Variants in TIAM1 observed in about 807,000 individuals in gnomAD.
TIAM1 encodes the protein TIAM Rac1 associated GEF 1.
TIAM1 carries 65 observed loss-of-function variants against 163.5 expected under a neutral mutation model. The ratio of observed to expected loss-of-function variants is 0.40; its 90% confidence interval spans 0.33 to 0.49. TIAM1 has a LOEUF of 0.49. TIAM1 is among the 20% of genes least tolerant of loss of function. The pLI is 0.77. For synonymous variants in TIAM1, 833 were observed against 810.1 expected, an observed-to-expected ratio of 1.03 and a Z score of -0.48; for missense variants, 1,789 against 2,044.7, an observed-to-expected ratio of 0.87 and a Z score of 2.41.
Position 31,327,841 on chromosome 21 carries a change from G to A in TIAM1, c.-189+11402C>T, listed in dbSNP as rs1236099022. On this transcript the variant is annotated intron_variant, in intron 2 of 27. Coordinates refer to ENST00000541036, the MANE Select transcript of TIAM1 (RefSeq NM_001353694.2). ...AACCATGGTCCACATGAAATGGTGC[G>A]TAGTCTCCTCCCAACGCAGCTGTCA... Among the ~76,000 whole-genome samples, 5 of 151,942 alleles carry A rather than the reference G, an allele frequency of 3.3e-5. No homozygotes were observed. The East Asian group carries it at 7.7e-4, about 23-fold the overall frequency.
At chr21:31,389,489 G>A (rs7275610) in intron 2 of TIAM1, among the ~76,000 whole-genome samples, 42,041 of 152,168 alleles carry the variant, frequency 0.28, 6,149 homozygotes, top group Middle Eastern at 0.48. Context: ...GATTACAGGC[G>A]AGAGCCACCG....
In TIAM1 at chr21:31,296,019, G is replaced by A. The variant is rs577814188; in HGVS notation, c.-188-19111C>T. On this transcript the variant is annotated intron_variant, in intron 2 of 27. Coordinates refer to ENST00000541036, the MANE Select transcript of TIAM1 (RefSeq NM_001353694.2). ...TCGCCATGTTGGGCAGACTGGTCTCGAACTCCTGACCTCAGGTGACCCGCC... is the reference window on the plus strand; with the variant it reads ...TCGCCATGTTGGGCAGACTGGTCTCAAACTCCTGACCTCAGGTGACCCGCC... Among the ~76,000 whole-genome samples the A allele has an allele frequency of 4.6e-5, 7 of 152,162 alleles. 1 individual carries two copies. Among genetic ancestry groups the A allele is most frequent in the Non-Finnish European group, 7.4e-5 (5 of 68,006 alleles).
chr21:31,307,698 T>A (rs1372654326), intron 2 of TIAM1, among the ~76,000 whole-genome samples: 1 of 152,014 alleles, frequency 6.6e-6, no homozygotes, highest in Non-Finnish European at 1.5e-5. Context: ...GGAGCTCAAG[T>A]CTAGCAAGGA....
At chr21:31,370,822 T>C (rs1182082393) in intron 2 of TIAM1, among the ~76,000 whole-genome samples, 1 of 152,094 alleles carries the variant, frequency 6.6e-6, no homozygotes, top group African/African-American at 2.4e-5. Flanking sequence ...CACATAAAAA[T>C]TAGGATTTCC....
At chr21:31,341,170 C>A (rs1233685727) in intron 1 of TIAM1, among the ~76,000 whole-genome samples, 1 of 151,988 alleles carries the variant, frequency 6.6e-6, no homozygotes, top group Non-Finnish European at 1.5e-5. Flanking sequence ...TTGTGCCAAA[C>A]AAAGGATAGA....
chr21:31,297,471 T>A (rs2074324896), intron 2 of TIAM1, among the ~76,000 whole-genome samples: 1 of 152,234 alleles, frequency 6.6e-6, no homozygotes, highest in African/African-American at 2.4e-5. Context: ...CTCGGCTCAC[T>A]GCAATCTCCG....
chr21:31,122,598 A>G (rs774234953), intron 27 of TIAM1, among the ~76,000 whole-genome samples: 1 of 152,232 alleles, frequency 6.6e-6, no homozygotes, highest in African/African-American at 2.4e-5. Context: ...CAGCTCTTCT[A>G]TAAGTTTAAA....
intron 2 of TIAM1, among the ~76,000 whole-genome samples, chr21:31,445,131 C>A (rs773622903): frequency 1.3e-5 from 2 of 150,364 alleles, no homozygotes; most frequent in Non-Finnish European, 2.9e-5. Context: ...TGTCTCCTAG[C>A]ATATGAGATA....
chr21:31,210,739 G>GGA (rs2086805677), intron 10 of TIAM1, among the ~76,000 whole-genome samples: 1 of 75,918 alleles, frequency 1.3e-5, no homozygotes, highest in African/African-American at 7.5e-5. Context: ...GAGAAAGAAG[G>GGA]AAGGAAGGGA....
Position 31,181,756 on chromosome 21 carries a change from C to CTTTTTTTTTTTTTT in TIAM1, c.2887+651_2887+664dup, listed in dbSNP as rs781153297. Among the ~76,000 whole-genome samples, 6 of 41,344 alleles carry CTTTTTTTTTTTTTT rather than the reference C, an allele frequency of 1.5e-4. 2 individuals carry two copies. Among genetic ancestry groups the CTTTTTTTTTTTTTT allele is most frequent in the Non-Finnish European group, 3.2e-4 (6 of 18,804 alleles). 27.1% of individuals were successfully genotyped at this position (41,344 alleles called of 152,430 possible). On this transcript the variant is annotated intron_variant, in intron 15 of 27. Coordinates refer to ENST00000541036, the MANE Select transcript of TIAM1 (RefSeq NM_001353694.2). ...CCCAGCACTTCTTCTTCTTCTTCTT[C>CTTTTTTTTTTTTTT]TTTTTTTTTTTTTTTTTTTTTTTTT... is the stretch of plus-strand genomic sequence containing the variant.
In TIAM1 at chr21:31,496,134, G is replaced by A. The variant is rs189797572; in HGVS notation, c.-421-32099C>T. Among the ~76,000 whole-genome samples, 921 of 152,162 alleles carry A rather than the reference G, an allele frequency of 6.1e-3. 16 individuals carry two copies. Among genetic ancestry groups the A allele is most frequent in the African/African-American group, 0.021 (892 of 41,496 alleles). On this transcript the variant is annotated intron_variant, in intron 1 of 28. Coordinates refer to the TIAM1 transcript ENST00000286827. ...TGGTTTTTAACTAAAAGTTTAAAAA[G>A]TTAAAAAAATAAAATAAAATGTTTA... is the stretch of plus-strand genomic sequence containing the variant.
At chr21:31,460,758 A>G (rs1311510796) in intron 2 of TIAM1, among the ~76,000 whole-genome samples, 1 of 152,228 alleles carries the variant, frequency 6.6e-6, no homozygotes, top group Non-Finnish European at 1.5e-5. Context: ...TTATGACACC[A>G]ATTATATCTG....
chr21:31,465,806 A>G (rs568827618), intron 1 of TIAM1, among the ~76,000 whole-genome samples: 13 of 152,036 alleles, frequency 8.6e-5, no homozygotes, highest in Middle Eastern at 6.8e-3. Flanking sequence ...TCCTGACCTC[A>G]TGATCCGCCC....
At chr21:31,132,829 G>GCATCCACT (rs1555855884) in intron 23 of TIAM1, among the ~76,000 whole-genome samples, 1 of 152,174 alleles carries the variant, frequency 6.6e-6, no homozygotes, top group Non-Finnish European at 1.5e-5. Flanking sequence ...CCAGCCTAAA[G>GCATCCACT]CATCCACTCT....
At chr21:31,306,013 G>A (rs1473544542) in intron 2 of TIAM1, among the ~76,000 whole-genome samples, 1 of 152,180 alleles carries the variant, frequency 6.6e-6, no homozygotes, top group Non-Finnish European at 1.5e-5. Context: ...CACACAACGA[G>A]ACAGAGGAGC....
intron 1 of TIAM1, among the ~76,000 whole-genome samples, chr21:31,547,992 C>T (rs1601062475): frequency 6.6e-6 from 1 of 152,128 alleles, no homozygotes; most frequent in South Asian, 2.1e-4. Context: ...GGAAGATACA[C>T]TTTCTTAATT....
chr21:31,498,619 G>A (rs182761134), intron 1 of TIAM1, among the ~76,000 whole-genome samples: 1 of 152,298 alleles, frequency 6.6e-6, no homozygotes, highest in Non-Finnish European at 1.5e-5. Flanking sequence ...AAAAGGGTGT[G>A]GGACTAGTGA....
At chr21:31,423,478 G>A (rs556982130) in intron 2 of TIAM1, among the ~76,000 whole-genome samples, 20 of 152,018 alleles carry the variant, frequency 1.3e-4, no homozygotes, top group African/African-American at 4.8e-4. Context: ...TACACATTCA[G>A]AGAATCCACA....
intron 2 of TIAM1, among the ~76,000 whole-genome samples, chr21:31,454,675 T>C (rs1363539752): frequency 3.3e-5 from 5 of 152,146 alleles, no homozygotes; most frequent in African/African-American, 1.2e-4. Context: ...AACATGCCAG[T>C]TGACCAAATA....
Sources: gnomAD v4.1 joint callset for allele counts (sites outside exome capture counted in the v4.1 genomes callset) on GRCh38, gnomAD v4.1.1 for gene constraint, MANE v1.5 for transcripts, NCBI Gene and HGNC (gene_info 2026-07-23, HGNC 2026-07-21) for gene names.